FAM193A: variants seen among roughly 807,000 people sequenced by gnomAD.
FAM193A encodes the protein family with sequence similarity 193 member A.
A neutral mutation model predicts 126.5 loss-of-function variants in FAM193A; 22 were observed. That is an observed-to-expected ratio of 0.17 (90% CI 0.12 to 0.25). The LOEUF (loss-of-function observed/expected upper bound fraction) is 0.25, where lower values mean the gene tolerates loss of function less well. Among genes scored for constraint, FAM193A ranks in the 10% least tolerant of loss-of-function variants. FAM193A has a pLI of 1.00. For missense variants in FAM193A, 1,675 were observed against 1,672.8 expected (o/e 1.00, Z -0.02); for synonymous variants, 761 against 646.8 (o/e 1.18, Z -2.68).
intron 10 of FAM193A, among the ~76,000 whole-genome samples, chr4:2,662,525 G>A (rs949258625): frequency 1.3e-5 from 2 of 152,174 alleles, no homozygotes; most frequent in African/African-American, 2.4e-5. Flanking sequence ...TTATACCAGC[G>A]CTCTTCAGGT....
chr4:2,593,686 C>T (rs1740694438), intron 1 of FAM193A, among the ~76,000 whole-genome samples: 1 of 152,126 alleles, frequency 6.6e-6, no homozygotes, highest in South Asian at 2.1e-4. Context: ...TCATTTCTGG[C>T]TCTTAACATT....
chr4:2,713,428 A>G (rs1380106133), intron 19 of FAM193A, among the ~76,000 whole-genome samples: 1 of 152,138 alleles, frequency 6.6e-6, no homozygotes, highest in Non-Finnish European at 1.5e-5. Context: ...AAATTGGGGT[A>G]TTAGGAAAAT....
At chr4:2,697,033 G>C (rs945727432) in intron 18 of FAM193A, among the ~76,000 whole-genome samples, 1 of 152,116 alleles carries the variant, frequency 6.6e-6, no homozygotes, top group African/African-American at 2.4e-5. Flanking sequence ...TCTGGACTCA[G>C]GTCTGAGCAT....
chr4:2,579,785 G>A (rs765176690), intron 1 of FAM193A, among the ~76,000 whole-genome samples: 5 of 152,168 alleles, frequency 3.3e-5, no homozygotes, highest in Non-Finnish European at 7.3e-5. Context: ...ATAACAGATG[G>A]TGGTGAGGTT....
At chr4:2,608,010 T>G in intron 2 of FAM193A, 1 of 1,597,632 alleles carries the variant, frequency 6.3e-7, no homozygotes, top group Non-Finnish European at 8.5e-7. Context: ...TGCTGGGGTG[T>G]GAATGTGCAC....
intron 8 of FAM193A, 148 bp from the exon 9 acceptor site, chr4:2,659,410 G>T (rs1330406444): frequency 3.1e-6 from 2 of 638,740 alleles, no homozygotes; most frequent in Non-Finnish European, 5.6e-6. Context: ...GCCGACTCCA[G>T]GTCTGCTGCC....
In FAM193A at chr4:2,660,191, A is replaced by G. The variant is rs1712255140; in HGVS notation, c.1745+137A>G. 10 of 875,684 alleles carry G rather than the reference A, an allele frequency of 1.1e-5. No individual in the cohort carries two copies. The African/African-American group carries it at 1.3e-4, about 12-fold the overall frequency. The allele number at this position is 875,684 out of a possible 1,614,324, so 54.2% of individuals were successfully genotyped here. A position where few individuals can be genotyped will look rare whatever the true frequency, so the allele number is the denominator to read the frequency against. On this transcript the variant is annotated intron_variant, in intron 10 of 20. Coordinates refer to ENST00000637812, the MANE Select transcript of FAM193A (RefSeq NM_001366318.2). The stretch of plus-strand genomic sequence containing the variant: ...CAAGGGACCCTGAGGTTTTTAATGC[A>G]GCTTTTAAAACATGAAATCAGTAAA...
intron 1 of FAM193A, among the ~76,000 whole-genome samples, chr4:2,578,939 A>G (rs953801163): frequency 3.7e-4 from 57 of 152,104 alleles, no homozygotes; most frequent in African/African-American, 1.3e-3. Context: ...TCAGAGGCAG[A>G]GGAGGTAGAG....
At chr4:2,537,765 C>T (rs1042008489) in intron 1 of FAM193A, among the ~76,000 whole-genome samples, 1 of 152,240 alleles carries the variant, frequency 6.6e-6, no homozygotes, top group Non-Finnish European at 1.5e-5. Flanking sequence ...ATCTACCTGA[C>T]AGCCACCTGG....
chr4:2,728,798 T>G (rs1721039646), intron 20 of FAM193A, among the ~76,000 whole-genome samples: 1 of 151,508 alleles, frequency 6.6e-6, no homozygotes, highest in Non-Finnish European at 1.5e-5. Context: ...AACCATATAC[T>G]CAGAAAGTAA....
intron 19 of FAM193A, among the ~76,000 whole-genome samples, chr4:2,701,602 G>C (rs11933556): frequency 0.069 from 10,569 of 152,102 alleles, 646 homozygotes; most frequent in African/African-American, 0.16. Flanking sequence ...CTCTGATCCT[G>C]GGTTGAGCTG....
At chr4:2,633,423 AAAG>A (rs1023327952) in intron 5 of FAM193A, among the ~76,000 whole-genome samples, 3 of 152,032 alleles carry the variant, frequency 2.0e-5, no homozygotes, top group African/African-American at 4.8e-5. Context: ...ACAAAATAAA[AAAG>A]AAATAATTTC....
At chr4:2,663,586 T>C (rs771034584) in intron 12 of FAM193A, among the ~76,000 whole-genome samples, 9 of 152,230 alleles carry the variant, frequency 5.9e-5, no homozygotes, top group Non-Finnish European at 8.8e-5. Flanking sequence ...AAGGTTTGTT[T>C]TTCCTGTTCA....
intron 2 of FAM193A, among the ~76,000 whole-genome samples, chr4:2,598,412 T>A (rs2108912762): frequency 6.6e-6 from 1 of 152,378 alleles, no homozygotes; most frequent in South Asian, 2.1e-4. Flanking sequence ...AAAAAGCTGC[T>A]ATGAACATTA....
chr4:2,660,606 C>T (rs988235485), intron 10 of FAM193A, among the ~76,000 whole-genome samples: 2 of 152,156 alleles, frequency 1.3e-5, no homozygotes, highest in Non-Finnish European at 2.9e-5. Context: ...AAAAGGGTTG[C>T]ACTTGATCAT....
chr4:2,556,491 A>C (rs1427023205), intron 1 of FAM193A, among the ~76,000 whole-genome samples: 1 of 152,186 alleles, frequency 6.6e-6, no homozygotes, highest in Non-Finnish European at 1.5e-5. Flanking sequence ...GGCGTGAGCC[A>C]CCACGCCCGG....
chr4:2,673,984 T>G (rs1259261695), intron 13 of FAM193A, among the ~76,000 whole-genome samples: 3 of 152,186 alleles, frequency 2.0e-5, no homozygotes, highest in Non-Finnish European at 1.5e-5. Flanking sequence ...CTGTTAAACT[T>G]TAATCATATA....
chr4:2,539,729 C>A (rs191080737), intron 1 of FAM193A, among the ~76,000 whole-genome samples: 1 of 152,046 alleles, frequency 6.6e-6, no homozygotes, highest in African/African-American at 2.4e-5. Flanking sequence ...TGACCATGAC[C>A]CACTCTTATG....
chr4:2,606,045 C>CTTTTTTTTT (rs1170025017), intron 2 of FAM193A, among the ~76,000 whole-genome samples: 1 of 61,004 alleles, frequency 1.6e-5, no homozygotes, highest in Non-Finnish European at 2.9e-5. Flanking sequence ...TTGCAAACCT[C>CTTTTTTTTT]TTTTTTTTTT....
Sources: allele counts gnomAD v4.1 joint callset (sites outside exome capture counted in the v4.1 genomes callset), GRCh38; gene constraint gnomAD v4.1.1; transcripts MANE v1.5; gene names NCBI Gene and HGNC (gene_info 2026-07-23, HGNC 2026-07-21).